The following AHRR variants were observed in gnomAD, a reference collection of about 807,000 sequenced individuals.
AHRR encodes the protein ahR repressor.
In AHRR, 28 loss-of-function variants were observed where a neutral mutation model predicts 44.0. That is an observed-to-expected ratio of 0.64 (90% CI 0.47 to 0.87). The LOEUF is 0.87. Ranked by LOEUF, AHRR falls within the 40% of genes least tolerant of loss-of-function variation. The pLI is 0.00. For missense variants in AHRR, 990 were observed against 953.9 expected (o/e 1.04, Z -0.50); for synonymous variants, 434 against 407.0 (o/e 1.07, Z -0.80).
intron 3 of AHRR, among the ~76,000 whole-genome samples, chr5:373,681 C>T (rs1423281639): frequency 6.6e-6 from 1 of 151,562 alleles, no homozygotes; most frequent in South Asian, 2.1e-4. Flanking sequence ...GGCGGACCCT[C>T]AGGTGGGACC....
intron 4 of AHRR, among the ~76,000 whole-genome samples, chr5:377,265 G>A (rs1733762325): frequency 6.6e-6 from 1 of 152,140 alleles, no homozygotes. Flanking sequence ...TACCCCTCTG[G>A]GAGAGGAGAC....
rs200328671 is a variant in AHRR at position 413,320 on chromosome 5, T to G, written c.352-24T>G. ...TTTGGGTGAGCCAATTCGATTTTTTTTTTTGTTTTGTTTTTTCTTCTAGTC... is the reference window on the plus strand; with the variant it reads ...TTTGGGTGAGCCAATTCGATTTTTTGTTTTGTTTTGTTTTTTCTTCTAGTC... On this transcript the variant is annotated intron_variant, in intron 4 of 10. Coordinates refer to ENST00000684583, the MANE Select transcript of AHRR (RefSeq NM_001377236.1). 2,305 of 1,551,974 alleles carry G rather than the reference T, an allele frequency of 1.5e-3. 7 individuals carry two copies. The highest frequency in any genetic ancestry group is 1.7e-3 in the East Asian group (77 of 44,308).
chr5:332,512 C>T (rs372569909), intron 1 of AHRR, among the ~76,000 whole-genome samples: 2 of 152,100 alleles, frequency 1.3e-5, no homozygotes, highest in South Asian at 2.1e-4. Context: ...ATGATCCACC[C>T]GCCTCGGCCT....
chr5:428,109 C>A, intron 8 of AHRR, 103 bp downstream of exon 8: 1 of 1,307,556 alleles, frequency 7.6e-7, no homozygotes, highest in Non-Finnish European at 1.1e-6. Context: ...TCATTTCCAG[C>A]CAGTAATAAG....
chr5:385,069 G>A (rs775702258), intron 4 of AHRR, among the ~76,000 whole-genome samples: 11 of 152,278 alleles, frequency 7.2e-5, no homozygotes, highest in South Asian at 4.2e-4. Context: ...GCTTGTACCC[G>A]GGAGGTGGAC....
At chr5:328,255 ATTTTTT>A (rs70955232) in intron 1 of AHRR, among the ~76,000 whole-genome samples, 8 of 54,284 alleles carry the variant, frequency 1.5e-4, no homozygotes, top group African/African-American at 3.6e-4. Flanking sequence ...CCAACATCTG[ATTTTTT>A]TTTTTTTTTT....
intron 5 of AHRR, among the ~76,000 whole-genome samples, chr5:414,018 A>G (rs1735588510): frequency 6.6e-6 from 1 of 152,192 alleles, no homozygotes; most frequent in Non-Finnish European, 1.5e-5. Context: ...TAATCCCAGC[A>G]CTTTGGGAGG....
intron 1 of AHRR, among the ~76,000 whole-genome samples, chr5:334,153 T>G (rs2672754): frequency 0.013 from 2,005 of 152,274 alleles, 55 homozygotes; most frequent in African/African-American, 0.046. Context: ...AATTTGCTCT[T>G]TCACTTTGAC....
intron 3 of AHRR, among the ~76,000 whole-genome samples, chr5:365,153 T>G (rs1743314988): frequency 6.6e-6 from 1 of 152,078 alleles, no homozygotes; most frequent in South Asian, 2.1e-4. Flanking sequence ...AAAGGTTAAT[T>G]TAGTGGACAT....
At chr5:393,414 C>T (rs1343566823) in intron 4 of AHRR, among the ~76,000 whole-genome samples, 1 of 152,220 alleles carries the variant, frequency 6.6e-6, no homozygotes, top group Non-Finnish European at 1.5e-5. Context: ...CTGCTGTGGG[C>T]CTTGCTGTGA....
intron 4 of AHRR, among the ~76,000 whole-genome samples, chr5:409,912 T>A (rs537056226): frequency 1.3e-5 from 2 of 152,220 alleles, no homozygotes; most frequent in Admixed American, 6.5e-5. Context: ...GGCTTTGTGT[T>A]TGTGTCTGTT....
At chr5:378,209 A>G (rs1228641032) in intron 4 of AHRR, among the ~76,000 whole-genome samples, 1 of 152,220 alleles carries the variant, frequency 6.6e-6, no homozygotes, top group Non-Finnish European at 1.5e-5. Context: ...ACAGCAGCAA[A>G]TCCCAGCTTT....
intron 8 of AHRR, among the ~76,000 whole-genome samples, chr5:431,007 A>G (rs1226957271): frequency 6.6e-6 from 1 of 152,226 alleles, no homozygotes; most frequent in Non-Finnish European, 1.5e-5. Context: ...CGGCACCTAC[A>G]GGGACCACGC....
chr5:348,551 G>A (rs1021168764), intron 2 of AHRR, among the ~76,000 whole-genome samples: 3 of 152,112 alleles, frequency 2.0e-5, no homozygotes, highest in African/African-American at 4.8e-5. Flanking sequence ...GGCAACCTCC[G>A]ATCTGTTTCC....
At position 434,926 on chromosome 5, in the gene AHRR, G is replaced by A. The variant is rs557100813; in HGVS notation, c.*92G>A. The A allele has an allele frequency of 1.2e-3, 1,698 of 1,451,886 alleles. 11 individuals are homozygous for A. In the Middle Eastern group the frequency reaches 0.02, roughly 17 times the overall value. 89.9% of individuals were successfully genotyped at this position (1,451,886 alleles called of 1,614,324 possible). On this transcript the variant is annotated 3_prime_UTR_variant, in exon 11 of 11. Transcript: ENST00000684583. ...CCTGCTCCTGGTCAGGCCGGAGCCC[G>A]TCCTAAGACACACGCTTTGCAGAGC...
intron 2 of AHRR, among the ~76,000 whole-genome samples, chr5:349,763 A>C (rs1002889338): frequency 2.0e-5 from 3 of 151,926 alleles, no homozygotes; most frequent in African/African-American, 7.3e-5. Flanking sequence ...TGAAGTCTAT[A>C]CTCCTTTTTT....
intron 2 of AHRR, among the ~76,000 whole-genome samples, chr5:348,618 A>G (rs1253745192): frequency 6.6e-5 from 10 of 152,102 alleles, no homozygotes; most frequent in Non-Finnish European, 1.2e-4. Context: ...ATCACACAGC[A>G]TTTTGTCTGT....
chr5:349,450 G>A (rs1251488742), intron 2 of AHRR, among the ~76,000 whole-genome samples: 2 of 151,932 alleles, frequency 1.3e-5, no homozygotes, highest in East Asian at 3.9e-4. Context: ...CACGGTGGCG[G>A]GCGCCTGTAG....
intron 1 of AHRR, among the ~76,000 whole-genome samples, chr5:335,183 C>T (rs879259923): frequency 1.3e-5 from 2 of 152,128 alleles, no homozygotes; most frequent in Non-Finnish European, 2.9e-5. Context: ...CTCTGGGTGG[C>T]TTTCTCAGAA....
Sources: allele counts gnomAD v4.1 joint callset (sites outside exome capture counted in the v4.1 genomes callset), GRCh38; gene constraint gnomAD v4.1.1; transcripts MANE v1.5; gene names NCBI Gene and HGNC (gene_info 2026-07-23, HGNC 2026-07-21).